DMAC2L: variants seen among roughly 807,000 people sequenced by gnomAD.
DMAC2L encodes ATP synthase subunit s, mitochondrial.
DMAC2L carries 21 observed loss-of-function variants against 22.5 expected under a neutral mutation model. The ratio of observed to expected loss-of-function variants is 0.93; its 90% confidence interval spans 0.66 to 1.34. The LOEUF (loss-of-function observed/expected upper bound fraction) is 1.34, where lower values mean the gene tolerates loss of function less well. DMAC2L is among the 40% of genes most tolerant of loss of function. The pLI is 0.00. For missense variants in DMAC2L, 239 were observed against 246.5 expected (o/e 0.97, Z 0.20); for synonymous variants, 86 against 89.5 (o/e 0.96, Z 0.22).
intron 2 of DMAC2L, among the ~76,000 whole-genome samples, chr14:50,316,775 C>CA (rs1427402338): frequency 6.6e-6 from 1 of 152,134 alleles, no homozygotes. Flanking sequence ...ATACCAGTAC[C>CA]ATGCTGTTTT....
chr14:50,316,124 A>G (rs975031684), intron 2 of DMAC2L, among the ~76,000 whole-genome samples: 2 of 151,834 alleles, frequency 1.3e-5, no homozygotes, highest in African/African-American at 4.8e-5. Context: ...AGGTGGTATC[A>G]CATTGTGGTT....
chr14:50,317,771 CAA>C (rs202116755), intron 2 of DMAC2L, among the ~76,000 whole-genome samples: 6 of 139,476 alleles, frequency 4.3e-5, no homozygotes, highest in Admixed American at 7.2e-5. Flanking sequence ...ACACTATCTC[CAA>C]AAAAAAAAAA....
At chr14:50,313,077 C>T in intron 1 of DMAC2L, 1 of 1,595,452 alleles carries the variant, frequency 6.3e-7, no homozygotes, top group Non-Finnish European at 8.6e-7. Flanking sequence ...TCACCTGATT[C>T]CCTTTATGTA....
rs1163824167 is a variant in DMAC2L at position 50,312,383 on chromosome 14, C to A, written c.-48C>A. On this transcript the variant is annotated 5_prime_UTR_variant, in exon 1 of 6. Transcript: ENST00000557421. The stretch of plus-strand genomic sequence containing the variant: ...GGCTCGCTCCCTCCCTCCCTCCCTC[C>A]GACGCTGTGAGTAGAGAAGCTAGGC... The A allele has an allele frequency of 1.7e-6, 1 of 599,584 alleles. No homozygotes were observed. Among genetic ancestry groups the A allele is most frequent in the Non-Finnish European group, 2.9e-6 (1 of 340,370 alleles). The allele number at this position is 599,584 out of a possible 1,614,324, so 37.1% of individuals were successfully genotyped here.
upstream of DMAC2L, chr14:50,312,318 G>A: frequency 6.1e-6 from 6 of 985,602 alleles, no homozygotes; most frequent in South Asian, 1.6e-5. Flanking sequence ...CGCGTCGGAG[G>A]GCGAAGGGCC....
chr14:50,312,291 G>A, upstream of DMAC2L: 2 of 1,295,874 alleles, frequency 1.5e-6, no homozygotes, highest in Non-Finnish European at 2.1e-6. Flanking sequence ...GAGAGGCTGC[G>A]GTGGCCAATA....
intron 2 of DMAC2L, among the ~76,000 whole-genome samples, chr14:50,316,014 C>T (rs2031769315): frequency 6.6e-6 from 1 of 152,228 alleles, no homozygotes; most frequent in Non-Finnish European, 1.5e-5. Context: ...TACTAGTTTA[C>T]ATTCCCACCA....
At chr14:50,323,439 G>T (rs1455542750) in intron 4 of DMAC2L, among the ~76,000 whole-genome samples, 1 of 144,832 alleles carries the variant, frequency 6.9e-6, no homozygotes, top group South Asian at 2.2e-4. Flanking sequence ...TGTCACCAAG[G>T]CTAGAGTGCA....
chr14:50,325,346 G>T (rs1346742324), intron 5 of DMAC2L, among the ~76,000 whole-genome samples: 1 of 152,112 alleles, frequency 6.6e-6, no homozygotes, highest in Non-Finnish European at 1.5e-5. Flanking sequence ...CACATTTCAT[G>T]TTTCACATGC....
chr14:50,312,727 C>A (rs2031358023), intron 1 of DMAC2L: 5 of 416,960 alleles, frequency 1.2e-5, no homozygotes, highest in Admixed American at 4.3e-5. Context: ...TCCATCCCGG[C>A]CCCAGCCCAG....
intron 3 of DMAC2L, among the ~76,000 whole-genome samples, chr14:50,322,304 AAAAC>A (rs1187448464): frequency 6.6e-6 from 1 of 152,242 alleles, no homozygotes; most frequent in Non-Finnish European, 1.5e-5. Context: ...CGTGGAAACA[AAAAC>A]AAAACTAAAA....
intron 2 of DMAC2L, among the ~76,000 whole-genome samples, chr14:50,315,060 G>A (rs968360149): frequency 1.6e-4 from 25 of 151,648 alleles, no homozygotes; most frequent in African/African-American, 4.8e-4. Context: ...TCTGCCTCCC[G>A]GGTTCACACC....
intron 2 of DMAC2L, 51 bp from the exon 3 acceptor site, chr14:50,321,432 T>C (rs1454254805): frequency 1.9e-6 from 3 of 1,606,312 alleles, no homozygotes; most frequent in Middle Eastern, 1.7e-4. Flanking sequence ...AGTTGCTATA[T>C]GTATGGGACT....
chr14:50,320,218 C>T lies in DMAC2L; in HGVS notation c.-5-1265C>T, dbSNP rs71420179. ...AAGCGATTCTCCTGCCTCAGCCTCC[C>T]GAGTAGCTGGGACTACAGGCGCATG... On this transcript the variant is annotated intron_variant, in intron 2 of 5. Coordinates refer to ENST00000557421, the MANE Select transcript of DMAC2L (RefSeq NM_001382507.1). 4.3e-3 allele frequency among the ~76,000 whole-genome samples: 654 copies of T among 152,236 alleles called. 1 individual carries two copies. The highest frequency in any genetic ancestry group is 6.9e-3 in the Admixed American group (105 of 15,306).
chr14:50,319,268 A>G (rs1235649188), intron 2 of DMAC2L: 11 of 1,535,982 alleles, frequency 7.2e-6, no homozygotes, highest in South Asian at 2.4e-5. Flanking sequence ...GCTTGCAGTA[A>G]TGAAGACGGC....
intron 2 of DMAC2L, among the ~76,000 whole-genome samples, chr14:50,315,879 G>A (rs2031754048): frequency 6.6e-6 from 1 of 152,118 alleles, no homozygotes; most frequent in African/African-American, 2.4e-5. Flanking sequence ...GCGTGTGCAA[G>A]TATCTTTTTT....
At chr14:50,321,234 T>C (rs1595206457) in intron 2 of DMAC2L, 1 of 407,034 alleles carries the variant, frequency 2.5e-6, no homozygotes, top group Non-Finnish European at 3.8e-6. Flanking sequence ...CCAATTGAGG[T>C]TTCAACAGTG....
rs1356121294 is a variant in DMAC2L at position 50,313,061 on chromosome 14, G to A, written c.-42+672G>A. 3.1e-6 allele frequency: 5 copies of A among 1,610,676 alleles called. No individual in the cohort carries two copies. In the African/African-American group the frequency reaches 6.7e-5, roughly 22 times the overall value. On this transcript the variant is annotated intron_variant, in intron 1 of 5. Coordinates refer to ENST00000557421, the MANE Select transcript of DMAC2L (RefSeq NM_001382507.1). ...TCTGAGCAGCGACTCACCTGTGCAG[G>A]TCACTTCACCTGATTCCCTTTATGT...
At position 50,326,643 on chromosome 14, in the gene DMAC2L, CTG is replaced by C; in HGVS notation, c.*921_*922del. 3 of 985,348 alleles carry C rather than the reference CTG, an allele frequency of 3.0e-6. No homozygotes were observed. The highest frequency in any genetic ancestry group is 1.1e-4 in the East Asian group (1 of 8,822). The allele number at this position is 985,348 out of a possible 1,614,324, so 61.0% of individuals were successfully genotyped here. On this transcript the variant is annotated 3_prime_UTR_variant, in exon 6 of 6. Coordinates refer to ENST00000557421, the MANE Select transcript of DMAC2L (RefSeq NM_001382507.1). Reference sequence around the variant, plus strand: ...AGCTTAGGCTACTATTTTATTAAAACTGGACATAGATACTTGGCTGAATACAA... The same window carrying C: ...AGCTTAGGCTACTATTTTATTAAAACGACATAGATACTTGGCTGAATACAA...
Sources: allele counts gnomAD v4.1 joint callset (sites outside exome capture counted in the v4.1 genomes callset), GRCh38; gene constraint gnomAD v4.1.1; transcripts MANE v1.5; gene names NCBI Gene and HGNC (gene_info 2026-07-23, HGNC 2026-07-21).